RECQL: variants seen among roughly 807,000 people sequenced by gnomAD.
RECQL encodes ATP-dependent DNA helicase Q1.
A neutral mutation model predicts 75.8 loss-of-function variants in RECQL; 73 were observed. That is an observed-to-expected ratio of 0.96 (90% CI 0.80 to 1.17). The LOEUF (loss-of-function observed/expected upper bound fraction) is 1.17, where lower values mean the gene tolerates loss of function less well. Ranked by LOEUF, RECQL falls within the 50% of genes most tolerant of loss-of-function variation. The probability of loss-of-function intolerance (pLI) is 0.00; values close to 1 mark genes in which losing one functional copy is unlikely to be tolerated. For missense variants in RECQL, 699 were observed against 772.1 expected, an observed-to-expected ratio of 0.91 and a Z score of 1.12; for synonymous variants, 248 against 254.4, an observed-to-expected ratio of 0.97 and a Z score of 0.24.
At chr12:21,480,411 C>T (rs1382588284) in intron 6 of RECQL, among the ~76,000 whole-genome samples, 7 of 152,100 alleles carry the variant, frequency 4.6e-5, no homozygotes, top group African/African-American at 1.7e-4. Flanking sequence ...GACGTAGGTG[C>T]ACAGAGAGTA....
In RECQL at chr12:21,468,915, T is replaced by C. The variant is rs1256191365; in HGVS notation, c.*1279A>G. On this transcript the variant is annotated 3_prime_UTR_variant, in exon 15 of 15. Coordinates refer to ENST00000444129, the MANE Select transcript of RECQL (RefSeq NM_002907.4). ...AAATATAAAAACATAAATTCTAAGTTTGAAATCAGTTCAAAGTTTATTTAT... is the reference window on the plus strand; with the variant it reads ...AAATATAAAAACATAAATTCTAAGTCTGAAATCAGTTCAAAGTTTATTTAT... 1.9e-5 allele frequency: 13 copies of C among 674,262 alleles called. No individual in the cohort carries two copies. The African/African-American group carries it at 2.4e-4, about 12-fold the overall frequency. The allele number at this position is 674,262 out of a possible 1,614,324, so 41.8% of individuals were successfully genotyped here. A position where few individuals can be genotyped will look rare whatever the true frequency, so the allele number is the denominator to read the frequency against.
rs1943613511 is a variant in RECQL at position 21,501,363 on chromosome 12, C to CA, written c.-240_-239insT. On this transcript the variant is annotated 5_prime_UTR_variant, in exon 1 of 15. Coordinates refer to ENST00000444129, the MANE Select transcript of RECQL (RefSeq NM_002907.4). ...CGAAAGGAAGTGATCCGCTACAGAC[C>CA]GGCCTCGCCCTGCAGCAGGAAAGGG... 1 of 152,756 alleles carries CA rather than the reference C, an allele frequency of 6.5e-6. No individual in the cohort carries two copies. The highest frequency in any genetic ancestry group is 1.5e-5 in the Non-Finnish European group (1 of 68,374). The allele number at this position is 152,756 out of a possible 1,614,324, so 9.5% of individuals were successfully genotyped here. A position where few individuals can be genotyped will look rare whatever the true frequency, so the allele number is the denominator to read the frequency against.
chr12:21,486,574 C>T lies in RECQL; in HGVS notation c.406G>A (p.Val136Ile), dbSNP rs138278747. 153 of 1,555,656 alleles carry T rather than the reference C, an allele frequency of 9.8e-5. No homozygotes were observed. In the African/African-American group the frequency reaches 1.6e-3, roughly 17 times the overall value. ...PALCSDGFTL[V>I]ICPLISLMED... ...ATAAGAGAGATCAATGGGCAAATGA[C>T]GAGTGTAAAACCTAAAAGAGAAAAA... The change falls in exon 5 of 15, where the codon GTC becomes ATC. Residue 136 changes from valine to isoleucine, a missense_variant. Coordinates refer to ENST00000444129, the MANE Select transcript of RECQL (RefSeq NM_002907.4).
At chr12:21,476,516 T>G (rs1943089979) in intron 8 of RECQL, among the ~76,000 whole-genome samples, 1 of 152,136 alleles carries the variant, frequency 6.6e-6, no homozygotes. Flanking sequence ...CTACTGGATT[T>G]ATTTATTGCT....
chr12:21,495,149 G>T (rs1943481457), intron 2 of RECQL, among the ~76,000 whole-genome samples: 2 of 152,190 alleles, frequency 1.3e-5, no homozygotes, highest in African/African-American at 4.8e-5. Flanking sequence ...CGAATTTCCA[G>T]AATTGAACCA....
In RECQL at chr12:21,498,969, G is replaced by A. The variant is rs574574970; in HGVS notation, c.16+586C>T. ...TTTTCCTTTTATTTGGTCCCTCTCC[G>A]ATACATTACAGTATTACCAAGGAGG... On this transcript the variant is annotated intron_variant, in intron 2 of 14. Coordinates refer to ENST00000444129, the MANE Select transcript of RECQL (RefSeq NM_002907.4). Among the ~76,000 whole-genome samples, 201 of 152,118 alleles carry A rather than the reference G, an allele frequency of 1.3e-3. 1 individual carries two copies. The highest frequency in any genetic ancestry group is 2.7e-3 in the African/African-American group (111 of 41,484).
intron 12 of RECQL, among the ~76,000 whole-genome samples, chr12:21,472,724 A>T (rs993730952): frequency 6.6e-6 from 1 of 152,066 alleles, no homozygotes; most frequent in Admixed American, 6.6e-5. Flanking sequence ...CAGGGTTGTG[A>T]CCAATGCTCA....
chr12:21,497,965 C>T (rs1468417184), intron 2 of RECQL, among the ~76,000 whole-genome samples: 1 of 152,216 alleles, frequency 6.6e-6, no homozygotes, highest in African/African-American at 2.4e-5. Context: ...ACTTTGTTCT[C>T]ACTGATACAG....
chr12:21,499,733 A>G, intron 1 of RECQL, 118 bp from the exon 2 acceptor site: 1 of 547,276 alleles, frequency 1.8e-6, no homozygotes, highest in Non-Finnish European at 3.2e-6. Flanking sequence ...TAAATTATAT[A>G]TTGCAGTGAC....
chr12:21,471,410 G>A lies in RECQL; in HGVS notation c.1667+18C>T. ...CATAAAGACAACCTGAAAGAATAAT[G>A]AATGAGTTTGTACATACTTAAGATA... On this transcript the variant is annotated intron_variant, in intron 13 of 14. Transcript: ENST00000444129. 1 of 1,580,174 alleles carries A rather than the reference G, an allele frequency of 6.3e-7. No homozygotes were observed. The highest frequency in any genetic ancestry group is 1.2e-5 in the South Asian group (1 of 86,808).
In RECQL at chr12:21,471,095, T is replaced by C. The variant is rs1484944967; in HGVS notation, c.1671A>G (p.Glu557=). 1 of 1,566,838 alleles carries C rather than the reference T, an allele frequency of 6.4e-7. No homozygotes were observed. The highest frequency in any genetic ancestry group is 1.4e-5 in the African/African-American group (1 of 71,764). The part of the protein sequence containing the change: ...AHFLIQQYLK[E]DYSFTAYATI... Reference sequence around the variant, plus strand: ...TAGCATAAGCTGTAAAACTGTAGTCTTCTCTGCAGAAAATAAAGGCCAACA... The same window carrying C: ...TAGCATAAGCTGTAAAACTGTAGTCCTCTCTGCAGAAAATAAAGGCCAACA... The change falls in exon 14 of 15, where the codon GAA becomes GAG. Residue 557 remains glutamate, a synonymous_variant. Coordinates refer to ENST00000444129, the MANE Select transcript of RECQL (RefSeq NM_002907.4).
Position 21,475,468 on chromosome 12 carries a change from C to T in RECQL, c.1216G>A (p.Gly406Ser). ...ENYYQESGRA[G>S]RDDMKADCIL... The stretch of plus-strand genomic sequence containing the variant: ...ACTTCTGGATTTGAGTCCTACATAC[C>T]TGCACGTCCACTCTCTTGGTAATAA... The change falls in exon 10 of 15, where the codon GGT becomes AGT. Residue 406 changes from glycine (G) to serine (S), a missense_variant and splice_region_variant. Physicochemically the swap from Gly to Ser is moderately conservative, Grantham distance 56. Around this residue, in one of 2 missense-constraint regions of RECQL, gnomAD observed 669 missense variants for 713.5 expected, o/e 0.94. Transcript: ENST00000444129. 1 of 1,592,188 alleles carries T rather than the reference C, an allele frequency of 6.3e-7. No homozygotes were observed. Among genetic ancestry groups the T allele is most frequent in the Non-Finnish European group, 8.6e-7 (1 of 1,162,604 alleles).
chr12:21,491,688 G>C lies in RECQL; in HGVS notation c.45C>G (p.Thr15=). 2 of 1,613,094 alleles carry C rather than the reference G, an allele frequency of 1.2e-6. No individual in the cohort carries two copies. The highest frequency in any genetic ancestry group is 2.2e-5 in the East Asian group (1 of 44,846). ...GAATTTCTACTGCATGTAGCTCACT[G>C]GTTATAGAATCCAGTTCCTCAGTTA... is the stretch of plus-strand genomic sequence containing the variant. ...SALTEELDSI[T]SELHAVEIQI... is the part of the protein sequence containing the mutation. The change falls in exon 3 of 15, where the codon ACC becomes ACG. Residue 15 remains threonine, a synonymous_variant. Transcript: ENST00000444129.
intron 13 of RECQL, 56 bp from the exon 14 acceptor site, chr12:21,471,154 A>C (rs1170815358): frequency 2.9e-5 from 43 of 1,488,514 alleles, no homozygotes; most frequent in South Asian, 8.3e-5. Flanking sequence ...ACGGAAAACA[A>C]ATTTATAAAA....
chr12:21,472,192 TCTTACCATGAGG>T (rs1435211369), intron 12 of RECQL, among the ~76,000 whole-genome samples: 3 of 151,808 alleles, frequency 2.0e-5, no homozygotes, highest in Non-Finnish European at 4.4e-5. Context: ...CTCAGTAAGG[TCTTACCATGAGG>T]TACTGGCTAG....
At chr12:21,490,762 G>C (rs1482589399) in intron 3 of RECQL, among the ~76,000 whole-genome samples, 1 of 152,142 alleles carries the variant, frequency 6.6e-6, no homozygotes, top group East Asian at 1.9e-4. Flanking sequence ...GCTGAGGAGG[G>C]AGGATTGCTT....
intron 6 of RECQL, 151 bp from the exon 7 acceptor site, chr12:21,478,120 T>C (rs1943121453): frequency 1.6e-6 from 1 of 639,460 alleles, no homozygotes; most frequent in Non-Finnish European, 2.5e-6. Flanking sequence ...GTTAGCCTCT[T>C]TGATGGGCAG....
At chr12:21,481,358 G>A (rs1943189097) in intron 6 of RECQL, among the ~76,000 whole-genome samples, 1 of 152,168 alleles carries the variant, frequency 6.6e-6, no homozygotes, top group East Asian at 1.9e-4. Flanking sequence ...TAAATTTAAA[G>A]TTTAGCAGTT....
At chr12:21,472,563 A>G (rs10841830) in intron 12 of RECQL, among the ~76,000 whole-genome samples, 9,570 of 152,142 alleles carry the variant, frequency 0.063, 468 homozygotes, top group East Asian at 0.29. Flanking sequence ...AGAACCATGT[A>G]ATTTTCGGGC....
Sources: gnomAD v4.1 joint callset for allele counts (sites outside exome capture counted in the v4.1 genomes callset) on GRCh38, gnomAD v4.1.1 for gene constraint, gnomAD v4.1.1 regional missense constraint, MANE v1.5 for transcripts, NCBI Gene and HGNC (gene_info 2026-07-23, HGNC 2026-07-21) for gene names.